STXBP6: variants seen among roughly 807,000 people sequenced by gnomAD.
STXBP6 encodes syntaxin binding protein 6, also known as syntaxin-binding protein 6.
A neutral mutation model predicts 26.9 loss-of-function variants in STXBP6; 21 were observed. That is an observed-to-expected ratio of 0.78 (90% CI 0.55 to 1.12). The LOEUF (loss-of-function observed/expected upper bound fraction) is 1.12. STXBP6 is among the 50% of genes most tolerant of loss of function. The probability of loss-of-function intolerance (pLI) is 0.00; values close to 1 mark genes in which losing one functional copy is unlikely to be tolerated. For missense variants in STXBP6, 232 were observed against 257.9 expected (o/e 0.90, Z 0.69); for synonymous variants, 97 against 92.6 (o/e 1.05, Z -0.27).
At chr14:25,046,431 TAAAGG>T (rs72180548) in intron 1 of STXBP6, among the ~76,000 whole-genome samples, 25,088 of 152,058 alleles carry the variant, frequency 0.16, 2,385 homozygotes, top group African/African-American at 0.26. Flanking sequence ...TTGAGTTTTT[TAAAGG>T]TTTCTGATTT....
At chr14:24,849,770 C>T (rs1225862411) in intron 4 of STXBP6, among the ~76,000 whole-genome samples, 2 of 152,154 alleles carry the variant, frequency 1.3e-5, no homozygotes, top group Admixed American at 6.6e-5. Flanking sequence ...TCTGTGTCTA[C>T]ATTCAGGCAT....
chr14:24,837,995 T>C (rs931695348), intron 4 of STXBP6, among the ~76,000 whole-genome samples: 1 of 152,240 alleles, frequency 6.6e-6, no homozygotes, highest in Non-Finnish European at 1.5e-5. Flanking sequence ...AAGATCTAGA[T>C]TCAGTTTCCC....
chr14:24,945,133 T>C (rs4983037), intron 2 of STXBP6, among the ~76,000 whole-genome samples: 80,360 of 135,774 alleles, frequency 0.59, 25,168 homozygotes, highest in Middle Eastern at 0.74. Context: ...TATGAACCAA[T>C]TAGGAATTTT....
chr14:24,915,379 A>G (rs2071727582), intron 2 of STXBP6, among the ~76,000 whole-genome samples: 1 of 152,124 alleles, frequency 6.6e-6, no homozygotes, highest in African/African-American at 2.4e-5. Flanking sequence ...GGATTGTTTC[A>G]CTACTGAAAC....
At chr14:24,854,579 A>AC (rs1432616469) in intron 4 of STXBP6, among the ~76,000 whole-genome samples, 1 of 152,090 alleles carries the variant, frequency 6.6e-6, no homozygotes, top group Admixed American at 6.5e-5. Context: ...AGCAAACTCC[A>AC]CCTAATGAAG....
intron 2 of STXBP6, among the ~76,000 whole-genome samples, chr14:24,922,854 G>A (rs2072028547): frequency 6.6e-6 from 1 of 152,020 alleles, no homozygotes. Context: ...AGCATGTCCA[G>A]TTCAGTGATG....
chr14:25,048,948 C>A (rs1669565462), intron 1 of STXBP6: 1 of 161,210 alleles, frequency 6.2e-6, no homozygotes, highest in Admixed American at 6.5e-5. Context: ...ATGGAAGTTC[C>A]TGCGGACCTA....
intron 1 of STXBP6, among the ~76,000 whole-genome samples, chr14:25,045,843 G>C (rs1407536213): frequency 5.3e-5 from 8 of 151,870 alleles, no homozygotes; most frequent in Non-Finnish European, 1.0e-4. Context: ...CCTGACCTCA[G>C]GTGATCCACC....
At chr14:25,030,442 T>C (rs1157083055) in intron 1 of STXBP6, among the ~76,000 whole-genome samples, 1 of 152,206 alleles carries the variant, frequency 6.6e-6, no homozygotes, top group Non-Finnish European at 1.5e-5. Flanking sequence ...CTTTTGCCCT[T>C]TTTTGAGGCC....
At chr14:24,819,790 T>C (rs984098289) in intron 4 of STXBP6, among the ~76,000 whole-genome samples, 2 of 152,214 alleles carry the variant, frequency 1.3e-5, no homozygotes, top group Non-Finnish European at 2.9e-5. Context: ...TCAGAGTAGA[T>C]GTGTCTGCTC....
chr14:25,008,706 A>G (rs1346048481), intron 1 of STXBP6, among the ~76,000 whole-genome samples: 1 of 152,204 alleles, frequency 6.6e-6, no homozygotes, highest in Non-Finnish European at 1.5e-5. Context: ...TAATGCTCCC[A>G]AAGTAATGGT....
At chr14:24,899,732 G>T (rs1555323303) in intron 2 of STXBP6, among the ~76,000 whole-genome samples, 1 of 128,566 alleles carries the variant, frequency 7.8e-6, no homozygotes, top group Non-Finnish European at 1.6e-5. Flanking sequence ...AGTGAGCCGA[G>T]ATCGTGCCAC....
intron 2 of STXBP6, among the ~76,000 whole-genome samples, chr14:24,948,414 A>G (rs1465010342): frequency 3.9e-5 from 6 of 152,146 alleles, no homozygotes; most frequent in Admixed American, 6.5e-5. Flanking sequence ...CCAGGAGCTC[A>G]GGCTGTAGGG....
At chr14:24,830,362 A>C (rs950933587) in intron 4 of STXBP6, among the ~76,000 whole-genome samples, 23 of 152,144 alleles carry the variant, frequency 1.5e-4, no homozygotes, top group Admixed American at 1.5e-3. Flanking sequence ...TTCAGGTAAG[A>C]GATAAAGGTG....
chr14:24,820,981 C>G (rs2068117894), intron 4 of STXBP6, among the ~76,000 whole-genome samples: 1 of 152,200 alleles, frequency 6.6e-6, no homozygotes, highest in Non-Finnish European at 1.5e-5. Context: ...AAGGTAACGC[C>G]TGACCGTTTC....
chr14:25,047,838 C>G (rs1472330562), intron 1 of STXBP6, among the ~76,000 whole-genome samples: 1 of 152,184 alleles, frequency 6.6e-6, no homozygotes, highest in Non-Finnish European at 1.5e-5. Flanking sequence ...AGTTCAAGGT[C>G]ACTATTAGAG....
At position 25,002,921 on chromosome 14, in the gene STXBP6, T is replaced by G. The variant is rs144421472; in HGVS notation, c.-32-28071A>C. Among the ~76,000 whole-genome samples the G allele has an allele frequency of 4.1e-3, 618 of 151,856 alleles. 13 individuals carry two copies. The East Asian group carries it at 0.042, about 10-fold the overall frequency. Reference sequence around the variant, plus strand: ...TTTGTATTTTTAGTGGAGACGGGGTTTCACCATGTTGGCCAGGTTGGTCTC... The same window carrying G: ...TTTGTATTTTTAGTGGAGACGGGGTGTCACCATGTTGGCCAGGTTGGTCTC... On this transcript the variant is annotated intron_variant, in intron 1 of 5. Coordinates refer to ENST00000323944, the MANE Select transcript of STXBP6 (RefSeq NM_001394410.1).
chr14:24,999,849 C>T (rs1269050181), intron 1 of STXBP6, among the ~76,000 whole-genome samples: 2 of 152,164 alleles, frequency 1.3e-5, no homozygotes, highest in Non-Finnish European at 2.9e-5. Context: ...CTAGCTACAA[C>T]AAATCATAAA....
intron 4 of STXBP6, among the ~76,000 whole-genome samples, chr14:24,852,368 G>A (rs2069185230): frequency 1.3e-5 from 2 of 152,108 alleles, no homozygotes; most frequent in East Asian, 1.9e-4. Flanking sequence ...AATCTCACAC[G>A]TCTACGCTTT....
Sources: gnomAD v4.1 joint callset for allele counts (sites outside exome capture counted in the v4.1 genomes callset) on GRCh38, gnomAD v4.1.1 for gene constraint, MANE v1.5 for transcripts, NCBI Gene and HGNC (gene_info 2026-07-23, HGNC 2026-07-21) for gene names.